Variants in PDCD1LG2 observed in about 807,000 individuals in gnomAD.
PDCD1LG2 encodes the protein programmed cell death 1 ligand 2.
In PDCD1LG2, 32 loss-of-function variants were observed where a neutral mutation model predicts 28.2. That is an observed-to-expected ratio of 1.13 (90% CI 0.86 to 1.52). PDCD1LG2 has a LOEUF of 1.52. Ranked by LOEUF, PDCD1LG2 falls within the 40% of genes most tolerant of loss-of-function variation. The probability of loss-of-function intolerance (pLI) is 0.00; values close to 1 mark genes in which losing one functional copy is unlikely to be tolerated. For missense variants in PDCD1LG2, 385 were observed against 323.8 expected (o/e 1.19, Z -1.45); for synonymous variants, 116 against 120.2 (o/e 0.97, Z 0.23).
chr9:5,538,082 G>A (rs1263020038), intron 3 of PDCD1LG2, among the ~76,000 whole-genome samples: 1 of 152,048 alleles, frequency 6.6e-6, no homozygotes, highest in East Asian at 1.9e-4. Context: ...GAGTTTCAAT[G>A]AATGAAAAGA....
intron 2 of PDCD1LG2, among the ~76,000 whole-genome samples, chr9:5,528,411 C>T (rs1820420097): frequency 6.6e-6 from 1 of 151,642 alleles, no homozygotes; most frequent in Admixed American, 6.6e-5. Context: ...AAGCGATTCT[C>T]CCACCTCAGA....
chr9:5,557,698 G>A lies in PDCD1LG2; in HGVS notation c.712G>A (p.Ala238Thr), dbSNP rs1408233350. The A allele has an allele frequency of 6.2e-7, 1 of 1,613,846 alleles. No individual in the cohort carries two copies. The highest frequency in any genetic ancestry group is 8.5e-7 in the Non-Finnish European group (1 of 1,179,782). ...CTGCATCATTGCTTTCATTTTCATA[G>A]CCACAGTGATAGCCCTAAGAAAACA... ...PFCIIAFIFI[A>T]TVIALRKQLC... Residue 238 changes from alanine (A) to threonine (T), a missense_variant, in exon 5 of 7, where the codon GCC (alanine) becomes ACC (threonine). By Grantham distance (58) the Ala-to-Thr change is moderately conservative. Coordinates refer to ENST00000397747, the MANE Select transcript of PDCD1LG2 (RefSeq NM_025239.4).
At chr9:5,528,499 C>G (rs1820422030) in intron 2 of PDCD1LG2, among the ~76,000 whole-genome samples, 4 of 150,376 alleles carry the variant, frequency 2.7e-5, no homozygotes, top group South Asian at 2.1e-4. Flanking sequence ...GACATGGGGT[C>G]TCCTTGTGTT....
rs1292545016 is a variant in PDCD1LG2, at chr9:5,510,678, A to G, written c.-140A>G. 1.3e-5 allele frequency: 2 copies of G among 152,662 alleles called. No individual in the cohort carries two copies. Among genetic ancestry groups the G allele is most frequent in the African/African-American group, 2.4e-5 (1 of 41,530 alleles). 9.5% of individuals were successfully genotyped at this position (152,662 alleles called of 1,614,324 possible). A position where few individuals can be genotyped will look rare whatever the true frequency, so the allele number is the denominator to read the frequency against. On this transcript the variant is annotated 5_prime_UTR_variant, in exon 1 of 7. Transcript: ENST00000397747. The stretch of plus-strand genomic sequence containing the variant: ...CCTGGGTTGGAGCTACTGCATGTTG[A>G]TTGTTTTGTTTTTCCTTTTGGCTGT...
At chr9:5,565,525 C>A (rs1368184167) in intron 6 of PDCD1LG2, among the ~76,000 whole-genome samples, 2 of 152,144 alleles carry the variant, frequency 1.3e-5, no homozygotes, top group East Asian at 3.9e-4. Context: ...AAGACTCTCT[C>A]CCCCACTCAT....
At chr9:5,564,817 G>C (rs73641641) in intron 6 of PDCD1LG2, among the ~76,000 whole-genome samples, 2,893 of 152,288 alleles carry the variant, frequency 0.019, 82 homozygotes, top group African/African-American at 0.066. Flanking sequence ...CACTTCTGTG[G>C]CTTTGCTCAT....
chr9:5,526,300 T>G (rs922585600), intron 2 of PDCD1LG2, among the ~76,000 whole-genome samples: 4 of 152,192 alleles, frequency 2.6e-5, no homozygotes, highest in Non-Finnish European at 5.9e-5. Flanking sequence ...GTGATTACTT[T>G]TGTAACCACC....
rs1018467143 is a variant in PDCD1LG2 at position 5,569,070 on chromosome 9, A to G, written c.817-884A>G. ...TGCACGTGACCCCGTTCAGAGAGAA[A>G]GCCAGGTGTGAGATAAGGGGGAAAG... On this transcript the variant is annotated intron_variant, in intron 6 of 6. Transcript: ENST00000397747. This position sits in a 1 kb window ranked among gnomAD's most constrained non-coding sequence, Gnocchi z 4.1. Among the ~76,000 whole-genome samples, 2 of 152,222 alleles carry G rather than the reference A, an allele frequency of 1.3e-5. No homozygotes were observed. Among genetic ancestry groups the G allele is most frequent in the African/African-American group, 4.8e-5 (2 of 41,460 alleles).
chr9:5,527,721 G>C (rs962593077), intron 2 of PDCD1LG2, among the ~76,000 whole-genome samples: 16 of 152,172 alleles, frequency 1.1e-4, no homozygotes, highest in African/African-American at 3.6e-4. Flanking sequence ...TTTATTGTGA[G>C]AAACTGCCAA....
intron 6 of PDCD1LG2, among the ~76,000 whole-genome samples, chr9:5,567,190 A>G (rs189199223): frequency 1.6e-4 from 25 of 152,310 alleles, no homozygotes; most frequent in Non-Finnish European, 3.1e-4. Context: ...GCGATGCTAT[A>G]CCTTCTTTAA....
At chr9:5,518,633 C>G (rs79050858) in intron 1 of PDCD1LG2, among the ~76,000 whole-genome samples, 2,875 of 152,322 alleles carry the variant, frequency 0.019, 54 homozygotes, top group Middle Eastern at 0.034. Flanking sequence ...TTGTTACCTG[C>G]TGTAAGATCT....
chr9:5,559,343 AT>A (rs1816511784), intron 5 of PDCD1LG2, among the ~76,000 whole-genome samples: 1 of 152,224 alleles, frequency 6.6e-6, no homozygotes, highest in African/African-American at 2.4e-5. Context: ...GGTTGCCTAT[AT>A]AACCCTTGTC....
intron 3 of PDCD1LG2, among the ~76,000 whole-genome samples, chr9:5,542,969 G>GTA (rs1305758309): frequency 6.6e-6 from 1 of 151,772 alleles, no homozygotes; most frequent in Non-Finnish European, 1.5e-5. Flanking sequence ...AGAAAATGTG[G>GTA]TATATATATT....
chr9:5,543,837 T>G (rs965505073), intron 3 of PDCD1LG2, among the ~76,000 whole-genome samples: 17 of 40,522 alleles, frequency 4.2e-4, no homozygotes, highest in African/African-American at 1.7e-3. Context: ...AGAAATTATT[T>G]TAAAAAAGAA....
chr9:5,541,141 A>G (rs944408292), intron 3 of PDCD1LG2, among the ~76,000 whole-genome samples: 1 of 152,202 alleles, frequency 6.6e-6, no homozygotes, highest in African/African-American at 2.4e-5. Flanking sequence ...GATTCAGAAA[A>G]AGCATTTGAC....
At chr9:5,561,880 G>A (rs1816569413) in intron 5 of PDCD1LG2, among the ~76,000 whole-genome samples, 1 of 152,158 alleles carries the variant, frequency 6.6e-6, no homozygotes, top group Non-Finnish European at 1.5e-5. Flanking sequence ...CACAGAGAAT[G>A]GCAGCACTAA....
At chr9:5,521,424 T>C (rs965158644) in intron 1 of PDCD1LG2, among the ~76,000 whole-genome samples, 4 of 152,224 alleles carry the variant, frequency 2.6e-5, no homozygotes, top group African/African-American at 9.6e-5. Flanking sequence ...AATTATACTT[T>C]AATAAAGCTG....
intron 1 of PDCD1LG2, among the ~76,000 whole-genome samples, chr9:5,516,779 C>G (rs1820173721): frequency 6.6e-6 from 1 of 152,340 alleles, no homozygotes; most frequent in East Asian, 1.9e-4. Flanking sequence ...AGCACCTAGG[C>G]TTGGCCACAA....
chr9:5,527,770 C>A (rs1446380893), intron 2 of PDCD1LG2, among the ~76,000 whole-genome samples: 1 of 152,078 alleles, frequency 6.6e-6, no homozygotes, highest in East Asian at 1.9e-4. Flanking sequence ...TCATTCCCAC[C>A]AGCAAGTATA....
Sources: allele counts gnomAD v4.1 joint callset (sites outside exome capture counted in the v4.1 genomes callset), GRCh38; gene constraint gnomAD v4.1.1; non-coding constraint Gnocchi (gnomAD v3.1); transcripts MANE v1.5; gene names NCBI Gene and HGNC (gene_info 2026-07-23, HGNC 2026-07-21).